MARK3: variants seen among roughly 807,000 people sequenced by gnomAD.
MARK3 encodes the protein microtubule affinity regulating kinase 3.
Under a neutral mutation model 90.1 loss-of-function variants are expected in MARK3, and 46 were observed. That is an observed-to-expected ratio of 0.51 (90% CI 0.40 to 0.65). The LOEUF is 0.65. Ranked by LOEUF, MARK3 falls within the 30% of genes least tolerant of loss-of-function variation. The pLI, the probability that MARK3 is intolerant of heterozygous loss-of-function variation, is 0.00. For synonymous variants in MARK3, 321 were observed against 332.6 expected (o/e 0.97, Z 0.38); for missense variants, 818 against 947.2 (o/e 0.86, Z 1.79).
chr14:103,406,116 G>A (rs892152924), intron 2 of MARK3, among the ~76,000 whole-genome samples: 1 of 151,200 alleles, frequency 6.6e-6, no homozygotes, highest in African/African-American at 2.4e-5. Flanking sequence ...GGCTGGTCTT[G>A]AACTCCTGTG....
chr14:103,490,771 A>AAAGCAACT (rs2094002878), intron 14 of MARK3: 1 of 187,846 alleles, frequency 5.3e-6, no homozygotes, highest in Non-Finnish European at 1.1e-5. Context: ...GGAAAAAAAA[A>AAAGCAACT]AAAGCAACTA....
At chr14:103,398,350 C>T in intron 1 of MARK3, among the ~76,000 whole-genome samples, 1 of 152,204 alleles carries the variant, frequency 6.6e-6, no homozygotes, top group East Asian at 1.9e-4. Flanking sequence ...AGCTTTCTGC[C>T]TTTTCCCTAT....
chr14:103,403,302 T>C (rs1011659306), intron 1 of MARK3, among the ~76,000 whole-genome samples: 1 of 151,106 alleles, frequency 6.6e-6, no homozygotes, highest in Admixed American at 6.6e-5. Flanking sequence ...CGCTGCTTTT[T>C]ACCACACCTT....
At chr14:103,400,898 CAAAAAAAAAAA>C (rs34861063) in intron 1 of MARK3, among the ~76,000 whole-genome samples, 1 of 70,064 alleles carries the variant, frequency 1.4e-5, no homozygotes, top group Non-Finnish European at 2.6e-5. Context: ...GACCCTGTCT[CAAAAAAAAAAA>C]AAAAAAAAAG....
At chr14:103,441,980 C>T (rs1235938871) in intron 3 of MARK3, among the ~76,000 whole-genome samples, 3 of 152,062 alleles carry the variant, frequency 2.0e-5, no homozygotes, top group Non-Finnish European at 2.9e-5. Flanking sequence ...TTAATAGAAA[C>T]ACAGGCATGA....
chr14:103,404,552 A>G (rs552169116), intron 1 of MARK3, among the ~76,000 whole-genome samples: 121 of 152,364 alleles, frequency 7.9e-4, no homozygotes, highest in African/African-American at 2.9e-3. Flanking sequence ...AGGGTCGTCT[A>G]TTAAGGGCCA....
At chr14:103,489,197 G>C (rs1197375580) in intron 14 of MARK3, among the ~76,000 whole-genome samples, 2 of 152,234 alleles carry the variant, frequency 1.3e-5, no homozygotes, top group African/African-American at 4.8e-5. Context: ...AGAGTGAATA[G>C]AAAGATCCCA....
At chr14:103,478,784 C>G (rs1032513405) in intron 13 of MARK3, among the ~76,000 whole-genome samples, 2 of 152,186 alleles carry the variant, frequency 1.3e-5, no homozygotes, top group African/African-American at 4.8e-5. Context: ...GGTGATCCAC[C>G]CGCCTCGGCC....
intron 3 of MARK3, among the ~76,000 whole-genome samples, chr14:103,433,316 G>A (rs2092637806): frequency 6.6e-6 from 1 of 151,770 alleles, no homozygotes; most frequent in East Asian, 2.0e-4. Flanking sequence ...CCAACTCCTG[G>A]CCTCAGGTGA....
chr14:103,413,930 A>T (rs1357339140), intron 2 of MARK3, among the ~76,000 whole-genome samples: 1 of 152,144 alleles, frequency 6.6e-6, no homozygotes, highest in Non-Finnish European at 1.5e-5. Flanking sequence ...TGGCTGTGCT[A>T]CAGTTGGTAT....
intron 2 of MARK3, among the ~76,000 whole-genome samples, chr14:103,411,633 T>C (rs1042493353): frequency 3.9e-5 from 6 of 152,064 alleles, no homozygotes; most frequent in Admixed American, 1.3e-4. Flanking sequence ...CTCTCTCTCT[T>C]TTTTTGGTGA....
intron 2 of MARK3, chr14:103,412,438 CA>C: frequency 3.6e-6 from 2 of 554,940 alleles, no homozygotes; most frequent in Non-Finnish European, 6.5e-6. Flanking sequence ...ACTCTGAAGC[CA>C]AAAATGCATC....
chr14:103,490,921 C>T, intron 14 of MARK3: 1 of 1,245,160 alleles, frequency 8.0e-7, no homozygotes, highest in Middle Eastern at 2.6e-4. Flanking sequence ...TACTGTGTTT[C>T]TGCCTCTGCC....
intron 12 of MARK3, among the ~76,000 whole-genome samples, chr14:103,468,532 G>A (rs2093562508): frequency 6.6e-6 from 1 of 151,476 alleles, no homozygotes; most frequent in Non-Finnish European, 1.5e-5. Flanking sequence ...ACCACATTTG[G>A]CCAGGCTGGT....
chr14:103,408,280 T>C (rs1223768201), intron 2 of MARK3, among the ~76,000 whole-genome samples: 2 of 152,116 alleles, frequency 1.3e-5, no homozygotes, highest in Non-Finnish European at 2.9e-5. Flanking sequence ...TCCCGCCTCC[T>C]GGGTTCAAGC....
intron 4 of MARK3, among the ~76,000 whole-genome samples, chr14:103,449,442 T>C (rs1162097661): frequency 1.4e-5 from 2 of 145,608 alleles, no homozygotes; most frequent in African/African-American, 5.1e-5. Flanking sequence ...GTAATAATAA[T>C]AATAAACTTA....
At chr14:103,401,844 G>C (rs973208034) in intron 1 of MARK3, among the ~76,000 whole-genome samples, 4 of 152,206 alleles carry the variant, frequency 2.6e-5, no homozygotes, top group Admixed American at 1.3e-4. Flanking sequence ...ATTCTGATGA[G>C]ATGCAGGGAG....
intron 1 of MARK3, among the ~76,000 whole-genome samples, chr14:103,403,335 TG>T (rs1254687228): frequency 4.4e-5 from 4 of 90,420 alleles, no homozygotes; most frequent in Non-Finnish European, 6.3e-5. Flanking sequence ...GTTGTGTGTG[TG>T]TGTGTGTGTG....
At position 103,389,528 on chromosome 14, in the gene MARK3, C is replaced by CAAAAAAAAAAAAA. The variant is rs67737305; in HGVS notation, c.51+3456_51+3468dup. Among the ~76,000 whole-genome samples the CAAAAAAAAAAAAA allele has an allele frequency of 4.5e-3, 223 of 49,836 alleles. 35 individuals carry two copies. The highest frequency in any genetic ancestry group is 0.021 in the East Asian group (23 of 1,088). 32.7% of individuals were successfully genotyped at this position (49,836 alleles called of 152,430 possible). A position where few individuals can be genotyped will look rare whatever the true frequency, so the allele number is the denominator to read the frequency against. On this transcript the variant is annotated intron_variant, in intron 1 of 17. Transcript: ENST00000429436. Reference sequence around the variant, plus strand: ...GAGTGACAGAGTAAGACTCTGTCTCCAAAAAAAAAAAAAAAAAAAAGCAGA... The same window carrying CAAAAAAAAAAAAA: ...GAGTGACAGAGTAAGACTCTGTCTCCAAAAAAAAAAAAAAAAAAAAAAAAAAAAAAAAAGCAGA...
Sources: gnomAD v4.1 joint callset for allele counts (sites outside exome capture counted in the v4.1 genomes callset) on GRCh38, gnomAD v4.1.1 for gene constraint, MANE v1.5 for transcripts, NCBI Gene and HGNC (gene_info 2026-07-23, HGNC 2026-07-21) for gene names.